The following SRD5A3 variants were observed in gnomAD, a reference collection of about 807,000 sequenced individuals.
SRD5A3 encodes the protein steroid 5 alpha-reductase 3.
In SRD5A3, 24 loss-of-function variants were observed where a neutral mutation model predicts 34.3. The ratio of observed to expected loss-of-function variants is 0.70; its 90% CI spans 0.51 to 0.99. The LOEUF is 0.99. SRD5A3 is among the 50% of genes least tolerant of loss of function. The pLI is 0.00. For missense variants in SRD5A3, 350 were observed against 388.2 expected (o/e 0.90, Z 0.83); for synonymous variants, 161 against 167.3 (o/e 0.96, Z 0.29).
intron 1 of SRD5A3, among the ~76,000 whole-genome samples, chr4:55,350,962 C>T (rs560437519): frequency 7.2e-5 from 11 of 151,900 alleles, no homozygotes; most frequent in African/African-American, 1.9e-4. Context: ...GATGGGGTTT[C>T]GCCATGTTGT....
At chr4:55,361,058 G>A (rs1719669949) in intron 2 of SRD5A3, among the ~76,000 whole-genome samples, 1 of 152,200 alleles carries the variant, frequency 6.6e-6, no homozygotes, top group Admixed American at 6.5e-5. Flanking sequence ...GTCAGGCAGA[G>A]TGTGAGGGGC....
In SRD5A3 at chr4:55,372,517, A is replaced by T. The variant is rs573663705; in HGVS notation, c.*2426A>T. The T allele has an allele frequency of 6.6e-6, 1 of 152,312 alleles. No individual in the cohort carries two copies. The highest frequency in any genetic ancestry group is 2.1e-4 in the South Asian group (1 of 4,826). The allele number at this position is 152,312 out of a possible 1,614,324, so 9.4% of individuals were successfully genotyped here. ...GAACAACGTAGCATGGCCTTTGGTG[A>T]AAGCGTCACCGATGGGAAATAATTG... On this transcript the variant is annotated 3_prime_UTR_variant, in exon 5 of 5. Coordinates refer to ENST00000264228, the MANE Select transcript of SRD5A3 (RefSeq NM_024592.5).
intron 1 of SRD5A3, among the ~76,000 whole-genome samples, chr4:55,356,273 TG>T (rs1719458196): frequency 6.6e-6 from 1 of 152,144 alleles, no homozygotes; most frequent in South Asian, 2.1e-4. Flanking sequence ...CCTCCTAAAG[TG>T]CTGGGATTAC....
intron 2 of SRD5A3, among the ~76,000 whole-genome samples, chr4:55,362,197 AG>A (rs1719711859): frequency 6.7e-6 from 1 of 149,262 alleles, no homozygotes; most frequent in Non-Finnish European, 1.5e-5. Flanking sequence ...GCCTGATCTC[AG>A]CTCACCACAA....
intron 4 of SRD5A3, among the ~76,000 whole-genome samples, chr4:55,368,981 C>T (rs748091982): frequency 4.6e-5 from 7 of 152,206 alleles, no homozygotes; most frequent in Non-Finnish European, 8.8e-5. Flanking sequence ...TCAGGTGATC[C>T]GCCCACCTCA....
In SRD5A3 at chr4:55,364,262, G is replaced by A; in HGVS notation, c.553G>A (p.Gly185Ser). The change falls in exon 3 of 5, where the codon GGC (glycine) becomes AGC (serine). Residue 185 changes from glycine (G) to serine (S), a missense_variant. Gly to Ser is a moderately conservative substitution (Grantham distance 56). Coordinates refer to ENST00000264228, the MANE Select transcript of SRD5A3 (RefSeq NM_024592.5). ...LTVLSQVPMD[G>S]RNAYITGKNL... ...TGTGCTGAGCCAAGTGCCAATGGAT[G>A]GCAGGAATGGTGAGTGGATCCAGCC... 6.2e-7 allele frequency: 1 copy of A among 1,614,072 alleles called. No homozygotes were observed. The highest frequency in any genetic ancestry group is 8.5e-7 in the Non-Finnish European group (1 of 1,180,024).
At position 55,369,944 on chromosome 4, in the gene SRD5A3, T is replaced by A. The variant is rs1279942894; in HGVS notation, c.810T>A (p.Phe270Leu). 5.0e-6 allele frequency: 8 copies of A among 1,614,232 alleles called. No homozygotes were observed. The highest frequency in any genetic ancestry group is 6.8e-6 in the Non-Finnish European group (8 of 1,180,036). Residue 270 changes from phenylalanine to leucine, a missense_variant, in exon 5 of 5, where the codon TTT (phenylalanine) becomes TTA (leucine). Phe to Leu is a conservative substitution (Grantham distance 22, BLOSUM62 0). Around this residue, in one of 3 missense-constraint regions of SRD5A3, gnomAD observed 186 missense variants for 221.4 expected, o/e 0.84. Coordinates refer to ENST00000264228, the MANE Select transcript of SRD5A3 (RefSeq NM_024592.5). ...LMIYVSMAVTFGFHNLTWWLV... is the reference protein window; with the variant it reads ...LMIYVSMAVTLGFHNLTWWLV... ...TCTACGTTTCCATGGCCGTCACCTT[T>A]GGGTTCCACAACTTAACTTGGTGGC...
Position 55,371,272 on chromosome 4 carries a change from T to C in SRD5A3, c.*1181T>C, listed in dbSNP as rs1720118289. 1.3e-5 allele frequency: 2 copies of C among 152,236 alleles called. No homozygotes were observed. The highest frequency in any genetic ancestry group is 6.5e-5 in the Admixed American group (1 of 15,280). 9.4% of individuals were successfully genotyped at this position (152,236 alleles called of 1,614,324 possible). A position where few individuals can be genotyped will look rare whatever the true frequency, so the allele number is the denominator to read the frequency against. ...TTTATTTGAACTAGCAGAAAGTATC[T>C]GAAGATATTCAGGAATAAAGTTTAT... On this transcript the variant is annotated 3_prime_UTR_variant, in exon 5 of 5. Coordinates refer to ENST00000264228, the MANE Select transcript of SRD5A3 (RefSeq NM_024592.5).
At chr4:55,359,950 C>T (rs559373326) in intron 2 of SRD5A3, among the ~76,000 whole-genome samples, 58 of 152,342 alleles carry the variant, frequency 3.8e-4, no homozygotes, top group African/African-American at 1.3e-3. Context: ...CGGTGGCTCA[C>T]GCCTGTAATC....
In SRD5A3 at chr4:55,364,215, A is replaced by G. The variant is rs754837473; in HGVS notation, c.506A>G (p.Tyr169Cys). The change falls in exon 3 of 5, where the codon TAT (tyrosine) becomes TGT (cysteine). Residue 169 changes from tyrosine (Y) to cysteine (C), a missense_variant. Around this residue, in one of 3 missense-constraint regions of SRD5A3, gnomAD observed 186 missense variants for 221.4 expected, o/e 0.84. Coordinates refer to ENST00000264228, the MANE Select transcript of SRD5A3 (RefSeq NM_024592.5). ...HVVQYCFGLV[Y>C]YVLVGLTVLS... is the part of the protein sequence containing the mutation. ...GTGCAGTACTGTTTTGGACTTGTCT[A>G]TTATGTCCTTGTTGGCCTAACTGTG... The G allele has an allele frequency of 7.4e-6, 12 of 1,613,976 alleles. No homozygotes were observed. In the South Asian group the frequency reaches 8.8e-5, roughly 12 times the overall value.
chr4:55,354,540 C>G (rs779240294), intron 1 of SRD5A3, among the ~76,000 whole-genome samples: 1 of 152,196 alleles, frequency 6.6e-6, no homozygotes, highest in African/African-American at 2.4e-5. Flanking sequence ...CCATCTGGTT[C>G]TATTCCAGGT....
intron 2 of SRD5A3, among the ~76,000 whole-genome samples, chr4:55,362,631 T>C (rs911731446): frequency 1.4e-5 from 2 of 141,406 alleles, no homozygotes; most frequent in Non-Finnish European, 3.2e-5. Flanking sequence ...ATTTTTTTTT[T>C]AATGTTTTTA....
intron 1 of SRD5A3, among the ~76,000 whole-genome samples, chr4:55,350,417 G>T (rs2109461023): frequency 6.6e-6 from 1 of 152,214 alleles, no homozygotes; most frequent in Non-Finnish European, 1.5e-5. Flanking sequence ...TTGTTTTTTA[G>T]TAGTTGCATT....
rs1477764061 is a variant in SRD5A3, at chr4:55,367,624, G to A, written c.599G>A (p.Arg200Gln). ...GGGAAAAATCTATTGATGCAAGCAC[G>A]GTGGTTCCATATTCTTGGGATGATG... ...ITGKNLLMQA[R>Q]WFHILGMMMF... The change falls in exon 4 of 5, where the codon CGG becomes CAG. Residue 200 changes from arginine to glutamine, a missense_variant. Arg to Gln is a conservative substitution (Grantham distance 43). Transcript: ENST00000264228. 1.4e-5 allele frequency: 22 copies of A among 1,613,964 alleles called. No individual in the cohort carries two copies. Among genetic ancestry groups the A allele is most frequent in the Middle Eastern group, 3.3e-4 (2 of 6,084 alleles).
rs147730824 is a variant in SRD5A3 at position 55,359,427 on chromosome 4, A to G, written c.303A>G (p.Gly101=). The G allele has an allele frequency of 1.9e-6, 3 of 1,612,650 alleles. No individual in the cohort carries two copies. Among genetic ancestry groups the G allele is most frequent in the African/African-American group, 2.7e-5 (2 of 74,348 alleles). ...LWCLTQSLFL[G]APFPSWLHGL... Reference sequence around the variant, plus strand: ...GCCTTACTCAATCTCTGTTCCTGGGAGCACCTTTTCCAAGCTGGCTTCATG... The same window carrying G: ...GCCTTACTCAATCTCTGTTCCTGGGGGCACCTTTTCCAAGCTGGCTTCATG... The change falls in exon 2 of 5, where the codon GGA becomes GGG. Residue 101 remains glycine (G), a synonymous_variant. Transcript: ENST00000264228.
At chr4:55,369,566 CA>C (rs1720042350) in intron 4 of SRD5A3, 7 of 472,200 alleles carry the variant, frequency 1.5e-5, no homozygotes, top group South Asian at 1.1e-4. Flanking sequence ...CCTGTCTCTA[CA>C]AAAAATTCAA....
At chr4:55,368,206 G>A (rs560192797) in intron 4 of SRD5A3, among the ~76,000 whole-genome samples, 8 of 151,738 alleles carry the variant, frequency 5.3e-5, no homozygotes, top group South Asian at 2.1e-4. Context: ...GCAAAACCCC[G>A]TCTCTTCTAA....
chr4:55,354,790 C>A (rs1270949925), intron 1 of SRD5A3, among the ~76,000 whole-genome samples: 1 of 152,358 alleles, frequency 6.6e-6, no homozygotes, highest in Non-Finnish European at 1.5e-5. Flanking sequence ...TATCACCTGA[C>A]ATGCTATAAA....
At chr4:55,350,101 G>A (rs1719131444) in intron 1 of SRD5A3, among the ~76,000 whole-genome samples, 1 of 152,148 alleles carries the variant, frequency 6.6e-6, no homozygotes, top group African/African-American at 2.4e-5. Context: ...TGGGTGCAGT[G>A]GCTCACACCT....
Sources: allele counts gnomAD v4.1 joint callset (sites outside exome capture counted in the v4.1 genomes callset), GRCh38; gene constraint gnomAD v4.1.1; regional missense constraint gnomAD v4.1.1; transcripts MANE v1.5; gene names NCBI Gene and HGNC (gene_info 2026-07-23, HGNC 2026-07-21).